CAMTA1: variants seen among roughly 807,000 people sequenced by gnomAD.
CAMTA1 encodes calmodulin-binding transcription activator 1.
CAMTA1 carries 27 observed loss-of-function variants against 170.9 expected under a neutral mutation model. That is an observed-to-expected ratio of 0.16 (90% CI 0.12 to 0.22). The LOEUF (loss-of-function observed/expected upper bound fraction) is 0.22. Among genes scored for constraint, CAMTA1 ranks in the 10% least tolerant of loss-of-function variants. CAMTA1 has a pLI of 1.00. For missense variants in CAMTA1, 1,619 were observed against 2,217.2 expected (o/e 0.73, Z 5.42); for synonymous variants, 833 against 891.5 (o/e 0.93, Z 1.17).
At position 7,381,604 on chromosome 1, in the gene CAMTA1, G is replaced by A. The variant is rs567838318; in HGVS notation, c.439-86226G>A. Among the ~76,000 whole-genome samples, 118 of 151,430 alleles carry A rather than the reference G, an allele frequency of 7.8e-4. 1 individual carries two copies. The East Asian group carries it at 0.02, about 26-fold the overall frequency. On this transcript the variant is annotated intron_variant, in intron 5 of 22. Coordinates refer to ENST00000303635, the MANE Select transcript of CAMTA1 (RefSeq NM_015215.4). Reference sequence around the variant, plus strand: ...AGTCTTTGCTATTGTGAATAGTGCCGCAATAAACACATGTGTGCATGTGTC... The same window carrying A: ...AGTCTTTGCTATTGTGAATAGTGCCACAATAAACACATGTGTGCATGTGTC...
chr1:7,220,518 G>A (rs1660559578), intron 4 of CAMTA1, among the ~76,000 whole-genome samples: 1 of 152,084 alleles, frequency 6.6e-6, no homozygotes, highest in African/African-American at 2.4e-5. Flanking sequence ...GACAGCTTCT[G>A]TCTCCTCCGA....
At chr1:6,853,512 C>G (rs368434458) in intron 3 of CAMTA1, among the ~76,000 whole-genome samples, 2 of 151,870 alleles carry the variant, frequency 1.3e-5, no homozygotes, top group Admixed American at 1.3e-4. Context: ...GAAGGCAAGA[C>G]GACCAAAAAC....
intron 4 of CAMTA1, among the ~76,000 whole-genome samples, chr1:7,183,988 A>T (rs1244339886): frequency 1.3e-5 from 2 of 152,260 alleles, no homozygotes; most frequent in Non-Finnish European, 2.9e-5. Flanking sequence ...CTAAGTGTCC[A>T]CCAACAGATG....
intron 3 of CAMTA1, among the ~76,000 whole-genome samples, chr1:6,973,009 G>A (rs1480889262): frequency 6.6e-6 from 1 of 152,024 alleles, no homozygotes. Flanking sequence ...CCACCACCAT[G>A]CCTGGCTAAT....
At chr1:7,545,127 G>T (rs1182879503) in intron 6 of CAMTA1, among the ~76,000 whole-genome samples, 3 of 152,014 alleles carry the variant, frequency 2.0e-5, no homozygotes, top group Non-Finnish European at 4.4e-5. Context: ...ACCATAACTT[G>T]CTTATGCCGT....
intron 1 of CAMTA1, among the ~76,000 whole-genome samples, chr1:6,803,816 G>A (rs978933062): frequency 1.6e-4 from 24 of 152,140 alleles, no homozygotes; most frequent in Admixed American, 5.9e-4. Context: ...CTGGACTCAA[G>A]TGATCCTCCT....
At chr1:7,705,589 T>C (rs2096511469) in intron 11 of CAMTA1, among the ~76,000 whole-genome samples, 1 of 151,530 alleles carries the variant, frequency 6.6e-6, no homozygotes, top group African/African-American at 2.4e-5. Flanking sequence ...GTTGGGGCGC[T>C]CGGCTTCTCC....
chr1:7,160,342 A>C (rs192637487), intron 4 of CAMTA1, among the ~76,000 whole-genome samples: 332 of 152,176 alleles, frequency 2.2e-3, no homozygotes, highest in Non-Finnish European at 3.4e-3. Flanking sequence ...ATGTCCTGAA[A>C]TTGTCCAAAG....
intron 3 of CAMTA1, among the ~76,000 whole-genome samples, chr1:6,881,125 A>G (rs927952022): frequency 6.6e-6 from 1 of 152,174 alleles, no homozygotes; most frequent in Non-Finnish European, 1.5e-5. Context: ...GTGCTGTTGC[A>G]TTCCTGTCCA....
chr1:7,269,111 A>G (rs1422418587), intron 5 of CAMTA1, among the ~76,000 whole-genome samples: 2 of 152,242 alleles, frequency 1.3e-5, no homozygotes, highest in Non-Finnish European at 2.9e-5. Context: ...AGGAATCCAG[A>G]CATGGCTTGA....
chr1:7,284,400 C>T (rs1364117527), intron 5 of CAMTA1, among the ~76,000 whole-genome samples: 2 of 151,866 alleles, frequency 1.3e-5, no homozygotes, highest in East Asian at 1.9e-4. Context: ...GATGGGGTTT[C>T]GCCATGTTAG....
At chr1:6,871,583 TA>T (rs55944233) in intron 3 of CAMTA1, among the ~76,000 whole-genome samples, 9 of 151,608 alleles carry the variant, frequency 5.9e-5, no homozygotes, top group Non-Finnish European at 8.8e-5. Context: ...ATGGTTAAAT[TA>T]AAAAAAAATT....
At chr1:7,521,554 T>C (rs2094366005) in intron 6 of CAMTA1, among the ~76,000 whole-genome samples, 1 of 152,148 alleles carries the variant, frequency 6.6e-6, no homozygotes, top group Admixed American at 6.6e-5. Context: ...CAGTTCCTTT[T>C]TTTTTTCAGA....
chr1:7,600,810 G>A (rs2095434552), intron 6 of CAMTA1, among the ~76,000 whole-genome samples: 1 of 152,006 alleles, frequency 6.6e-6, no homozygotes, highest in Non-Finnish European at 1.5e-5. Flanking sequence ...TAAGGTCACA[G>A]ATCAACAGGA....
In CAMTA1 at chr1:7,463,392, C is replaced by T. The variant is rs1486738750; in HGVS notation, c.439-4438C>T. ...AGAGAGATAGCAGGAGAGACAGAGA[C>T]AGATACAGAAACGGAGAGAGAAATA... On this transcript the variant is annotated intron_variant, in intron 5 of 22. Coordinates refer to ENST00000303635, the MANE Select transcript of CAMTA1 (RefSeq NM_015215.4). The surrounding 1 kb of genome is among the most constrained non-coding windows in gnomAD (Gnocchi z 4.7). 3.3e-5 allele frequency among the ~76,000 whole-genome samples: 5 copies of T among 149,400 alleles called. No individual in the cohort carries two copies. The highest frequency in any genetic ancestry group is 1.5e-5 in the Non-Finnish European group (1 of 67,510).
At chr1:7,756,773 G>T (rs1408639513) in intron 22 of CAMTA1, among the ~76,000 whole-genome samples, 1 of 152,052 alleles carries the variant, frequency 6.6e-6, no homozygotes, top group African/African-American at 2.4e-5. Context: ...ATGTAAGCCT[G>T]GGAGGTTGAG....
chr1:6,924,383 G>A (rs1310175492), intron 3 of CAMTA1, among the ~76,000 whole-genome samples: 3 of 152,078 alleles, frequency 2.0e-5, no homozygotes, highest in Admixed American at 6.5e-5. Context: ...GGGGCTTGCT[G>A]AGCGGACCTT....
chr1:7,574,108 C>T lies in CAMTA1; in HGVS notation c.511-66292C>T, dbSNP rs570312053. Among the ~76,000 whole-genome samples, 3 of 120,026 alleles carry T rather than the reference C, an allele frequency of 2.5e-5. No homozygotes were observed. The South Asian group carries it at 6.9e-4, about 28-fold the overall frequency. 78.7% of individuals were successfully genotyped at this position (120,026 alleles called of 152,430 possible). A position where few individuals can be genotyped will look rare whatever the true frequency, so the allele number is the denominator to read the frequency against. On this transcript the variant is annotated intron_variant, in intron 6 of 22. Transcript: ENST00000303635. ...CCATAAAGGCTCAATTTACCTGAGC[C>T]AGGAGAGGGCTCTCAGGGCTTCCCT... is the stretch of plus-strand genomic sequence containing the variant.
At position 7,461,382 on chromosome 1, in the gene CAMTA1, G is replaced by A. The variant is rs192194079; in HGVS notation, c.439-6448G>A. Among the ~76,000 whole-genome samples the A allele has an allele frequency of 5.3e-5, 8 of 152,352 alleles. No homozygotes were observed. The East Asian group carries it at 5.8e-4, about 11-fold the overall frequency. ...CCATGTTCTCTAGCGTGGGAGCATCGGTATAACTTTCTGCCATTGCTGTGC... is the reference window on the plus strand; with the variant it reads ...CCATGTTCTCTAGCGTGGGAGCATCAGTATAACTTTCTGCCATTGCTGTGC... On this transcript the variant is annotated intron_variant, in intron 5 of 22. Coordinates refer to ENST00000303635, the MANE Select transcript of CAMTA1 (RefSeq NM_015215.4).
Sources: allele counts gnomAD v4.1 joint callset (sites outside exome capture counted in the v4.1 genomes callset), GRCh38; gene constraint gnomAD v4.1.1; non-coding constraint Gnocchi (gnomAD v3.1); transcripts MANE v1.5; gene names NCBI Gene and HGNC (gene_info 2026-07-23, HGNC 2026-07-21).